The following DNAH1 variants were observed in gnomAD, a reference collection of about 807,000 sequenced individuals.
DNAH1 encodes axonemal beta dynein heavy chain 1.
A neutral mutation model predicts 484.3 loss-of-function variants in DNAH1; 327 were observed. The ratio of observed to expected loss-of-function variants is 0.68; its 90% CI spans 0.62 to 0.74. The LOEUF (loss-of-function observed/expected upper bound fraction) is 0.74, where lower values mean the gene tolerates loss of function less well. Among genes scored for constraint, DNAH1 ranks in the 30% least tolerant of loss-of-function variants. The pLI is 0.00. For synonymous variants in DNAH1, 2,192 were observed against 2,191.9 expected, an observed-to-expected ratio of 1.00 and a Z score of 0.00; for missense variants, 5,052 against 5,546.8, an observed-to-expected ratio of 0.91 and a Z score of 2.83.
chr3:52,385,047 C>T, intron 53 of DNAH1, 70 bp downstream of exon 53: 1 of 1,500,680 alleles, frequency 6.7e-7, no homozygotes, highest in East Asian at 2.4e-5. Flanking sequence ...AGCCCTGACT[C>T]CAGGGTGACA....
upstream of DNAH1, among the ~76,000 whole-genome samples, chr3:52,313,067 A>G (rs1207926397): frequency 1.3e-5 from 2 of 152,192 alleles, no homozygotes; most frequent in Non-Finnish European, 2.9e-5. Context: ...GATTACAGGC[A>G]TGAGCCACCA....
intron 56 of DNAH1, among the ~76,000 whole-genome samples, chr3:52,387,662 G>T (rs1035601914): frequency 2.6e-5 from 4 of 152,178 alleles, no homozygotes; most frequent in African/African-American, 9.7e-5. Flanking sequence ...TGGTGCTTAG[G>T]CTCCCCTGGG....
At chr3:52,363,277 C>G in intron 32 of DNAH1, 133 bp downstream of exon 32, 1 of 1,210,450 alleles carries the variant, frequency 8.3e-7, no homozygotes, top group Non-Finnish European at 1.1e-6. Context: ...CTCCCAGCAA[C>G]CCTTGGAGAT....
intron 14 of DNAH1, 98 bp downstream of exon 14, chr3:52,349,518 G>T (rs908771642): frequency 7.0e-5 from 81 of 1,164,394 alleles, no homozygotes; most frequent in Non-Finnish European, 9.8e-5. Flanking sequence ...CCCAAGCAGG[G>T]TCTGGGGTGT....
Position 52,383,394 on chromosome 3 carries a change from C to G in DNAH1, c.7950C>G (p.Asn2650Lys), listed in dbSNP as rs751048768. The G allele has an allele frequency of 1.4e-5, 23 of 1,613,592 alleles. No individual in the cohort carries two copies. Among genetic ancestry groups the G allele is most frequent in the Non-Finnish European group, 1.9e-5 (23 of 1,179,746 alleles). ...CCTTCACCCCTCCCCAGATCAAGAA[C>G]GAATCCTTCCTGGAAGATATCAACA... ...TFLFSDTQIK[N>K]ESFLEDINNV... Residue 2650 changes from asparagine to lysine, a missense_variant, in exon 51 of 78, where the codon AAC becomes AAG. Physicochemically the swap from Asn to Lys is moderately conservative, Grantham distance 94. Coordinates refer to ENST00000420323, the MANE Select transcript of DNAH1 (RefSeq NM_015512.5).
intron 9 of DNAH1, 51 bp downstream of exon 9, chr3:52,344,698 G>C: frequency 1.3e-6 from 2 of 1,563,990 alleles, no homozygotes; most frequent in Non-Finnish European, 1.7e-6. Flanking sequence ...CCTGGCCAGA[G>C]CCCCCTCCCA....
In DNAH1 at chr3:52,353,060, A is replaced by T; in HGVS notation, c.3028-43A>T. On this transcript the variant is annotated intron_variant, in intron 18 of 77. Transcript: ENST00000420323. The surrounding 1 kb of genome is among the most constrained non-coding windows in gnomAD (Gnocchi z 5.0). The stretch of plus-strand genomic sequence containing the variant: ...GGGGCAACATGGAGAGAGACTGGGA[A>T]GTGTCCCAAGACAGCCCCAGCCCTG... The T allele has an allele frequency of 6.4e-7, 1 of 1,559,264 alleles. No individual in the cohort carries two copies. Among genetic ancestry groups the T allele is most frequent in the African/African-American group, 1.4e-5 (1 of 73,830 alleles).
intron 3 of DNAH1, 108 bp from the exon 4 acceptor site, chr3:52,326,032 C>A: frequency 8.6e-7 from 1 of 1,158,876 alleles, no homozygotes. Flanking sequence ...TTGAGCTTCC[C>A]ACACTCCAAA....
Position 52,345,677 on chromosome 3 carries a change from G to A in DNAH1, c.1627G>A (p.Glu543Lys), listed in dbSNP as rs1473732986. The change falls in exon 10 of 78, where the codon GAG (glutamate) becomes AAG (lysine). Residue 543 changes from glutamate to lysine, a missense_variant. Glu to Lys is a moderately conservative substitution (Grantham distance 56). Around this residue, in one of 4 missense-constraint regions of DNAH1, gnomAD observed 1,263 missense variants for 1,218.8 expected, o/e 1.04. Coordinates refer to ENST00000420323, the MANE Select transcript of DNAH1 (RefSeq NM_015512.5). ...LSKYSHLEEF[E>K]QIQSQTFSQV... ...CAAGTACAGCCACCTGGAGGAATTT[G>A]AGCAGATCCAGTCACAGACCTTCTC... is the stretch of plus-strand genomic sequence containing the variant. 1 of 1,613,084 alleles carries A rather than the reference G, an allele frequency of 6.2e-7. No individual in the cohort carries two copies. Among genetic ancestry groups the A allele is most frequent in the African/African-American group, 1.3e-5 (1 of 74,916 alleles).
chr3:52,320,616 T>A (rs1329193509), intron 1 of DNAH1, among the ~76,000 whole-genome samples: 1 of 152,124 alleles, frequency 6.6e-6, no homozygotes, highest in African/African-American at 2.4e-5. Flanking sequence ...CCATGATCCA[T>A]CAGGAGGCCT....
chr3:52,323,762 C>A (rs1701234926), intron 2 of DNAH1, 46 bp from the exon 3 acceptor site: 2 of 1,515,310 alleles, frequency 1.3e-6, no homozygotes. Flanking sequence ...TCCTGCCTGT[C>A]CCTGGGAGGT....
chr3:52,390,738 C>T (rs148798833), intron 60 of DNAH1, among the ~76,000 whole-genome samples, 197 bp from the exon 61 acceptor site: 47 of 152,296 alleles, frequency 3.1e-4, no homozygotes, highest in African/African-American at 1.1e-3. Flanking sequence ...GTTAGGTATC[C>T]AGCCCAGGAG....
chr3:52,350,712 A>G (rs1702340458), intron 16 of DNAH1, 122 bp downstream of exon 16: 1 of 942,696 alleles, frequency 1.1e-6, no homozygotes, highest in African/African-American at 1.6e-5. Flanking sequence ...GAAACACCCC[A>G]CTGAGATTTC....
intron 60 of DNAH1, among the ~76,000 whole-genome samples, chr3:52,390,486 A>T (rs1440191368): frequency 6.6e-6 from 1 of 152,200 alleles, no homozygotes; most frequent in Non-Finnish European, 1.5e-5. Context: ...GAGACTCTGA[A>T]GGGCAGGGAG....
At chr3:52,359,160 G>C in intron 25 of DNAH1, 86 bp from the exon 26 acceptor site, 2 of 1,510,702 alleles carry the variant, frequency 1.3e-6, no homozygotes, top group Non-Finnish European at 1.8e-6. Context: ...TGAAAGGCCA[G>C]AGCACAGACA....
At chr3:52,390,339 C>T (rs573540474) in intron 60 of DNAH1, among the ~76,000 whole-genome samples, 1 of 152,340 alleles carries the variant, frequency 6.6e-6, no homozygotes, top group East Asian at 1.9e-4. Flanking sequence ...GTCGTGCATG[C>T]CTGTAGTCCC....
In DNAH1 at chr3:52,359,931, G is replaced by A. The variant is rs1702784533; in HGVS notation, c.4423G>A (p.Ala1475Thr). 1 of 1,613,804 alleles carries A rather than the reference G, an allele frequency of 6.2e-7. No individual in the cohort carries two copies. Among genetic ancestry groups the A allele is most frequent in the East Asian group, 2.2e-5 (1 of 44,876 alleles). Reference sequence around the variant, plus strand: ...ATTTCTGCAGCTCAGTGATCTGGTGGCCCTTGTGCGGGGGAAGCTGTCCCG... The same window carrying A: ...ATTTCTGCAGCTCAGTGATCTGGTGACCCTTGTGCGGGGGAAGCTGTCCCG... ...QLCQQLSDLV[A>T]LVRGKLSRMQ... The change falls in exon 27 of 78, where the codon GCC (alanine) becomes ACC (threonine). Residue 1475 changes from alanine (A) to threonine (T), a missense_variant. Around this residue, in one of 4 missense-constraint regions of DNAH1, gnomAD observed 2,929 missense variants for 3,409.4 expected, o/e 0.86. Coordinates refer to ENST00000420323, the MANE Select transcript of DNAH1 (RefSeq NM_015512.5).
chr3:52,323,815 GTC>G lies in DNAH1; in HGVS notation c.342_343del (p.Cys114TrpfsTer14), dbSNP rs1468485752. ...TCCATGGTTTGGTTTCAGGAGGTAT[GTC>G]GTGGCCCCCGAATGAGCCAGAACCT... On this transcript the variant is annotated frameshift_variant, in exon 3 of 78. Transcript: ENST00000420323. LOFTEE classifies it high-confidence loss of function. The G allele has an allele frequency of 6.3e-7, 1 of 1,590,718 alleles. No homozygotes were observed.
chr3:52,326,126 G>A lies in DNAH1; in HGVS notation c.407-14G>A, dbSNP rs1211822652. The A allele has an allele frequency of 6.4e-7, 1 of 1,571,708 alleles. No individual in the cohort carries two copies. The highest frequency in any genetic ancestry group is 1.4e-5 in the African/African-American group (1 of 74,066). On this transcript the variant is annotated splice_polypyrimidine_tract_variant and intron_variant, in intron 3 of 77. Coordinates refer to ENST00000420323, the MANE Select transcript of DNAH1 (RefSeq NM_015512.5). ...CCTGAGCCCTGAAGCCCCTGCCCCT[G>A]CTTCTACCTGCAGTCGGAAGCTTTG... is the stretch of plus-strand genomic sequence containing the variant.
Sources: allele counts gnomAD v4.1 joint callset (sites outside exome capture counted in the v4.1 genomes callset), GRCh38; gene constraint gnomAD v4.1.1; regional missense constraint gnomAD v4.1.1; non-coding constraint Gnocchi (gnomAD v3.1); transcripts MANE v1.5; gene names NCBI Gene and HGNC (gene_info 2026-07-23, HGNC 2026-07-21).